The following VWA8 variants were observed in gnomAD, a reference collection of about 807,000 sequenced individuals.
VWA8 encodes the protein von Willebrand factor A domain containing 8.
A neutral mutation model predicts 241.5 loss-of-function variants in VWA8; 221 were observed. The ratio of observed to expected loss-of-function variants is 0.91; its 90% CI spans 0.82 to 1.02. The LOEUF (loss-of-function observed/expected upper bound fraction) is 1.02, where lower values mean the gene tolerates loss of function less well. Ranked by LOEUF, VWA8 falls within the 50% of genes least tolerant of loss-of-function variation. The pLI, the probability that VWA8 is intolerant of heterozygous loss-of-function variation, is 0.00. For missense variants in VWA8, 2,322 were observed against 2,328.7 expected (o/e 1.00, Z 0.06); for synonymous variants, 852 against 827.1 (o/e 1.03, Z -0.52).
At chr13:41,689,210 A>T in intron 34 of VWA8, 144 bp downstream of exon 34, 1 of 884,744 alleles carries the variant, frequency 1.1e-6, no homozygotes, top group Non-Finnish European at 1.6e-6. Flanking sequence ...CATATTTTCT[A>T]CTGACTGATT....
intron 5 of VWA8, among the ~76,000 whole-genome samples, chr13:41,888,756 C>G (rs572076180): frequency 1.3e-5 from 2 of 152,316 alleles, no homozygotes. Flanking sequence ...CTTGAAAGGA[C>G]TTATTACCTC....
At chr13:41,651,540 C>T (rs1001000539) in intron 37 of VWA8, among the ~76,000 whole-genome samples, 5 of 152,164 alleles carry the variant, frequency 3.3e-5, no homozygotes, top group African/African-American at 1.2e-4. Flanking sequence ...TTTGTTGCAA[C>T]TACTCAACTG....
At chr13:41,947,143 G>A (rs2138159921) in intron 2 of VWA8, among the ~76,000 whole-genome samples, 3 of 152,306 alleles carry the variant, frequency 2.0e-5, no homozygotes, top group African/African-American at 7.2e-5. Context: ...ATTGGGGGTT[G>A]AGCCCAGTCT....
intron 21 of VWA8, among the ~76,000 whole-genome samples, chr13:41,751,966 A>C (rs2045659705): frequency 6.6e-6 from 1 of 152,206 alleles, no homozygotes; most frequent in East Asian, 1.9e-4. Flanking sequence ...CTTACTGGAC[A>C]TCCACTGTGA....
Position 41,735,605 on chromosome 13 carries a change from C to G in VWA8, c.2427-3450G>C, listed in dbSNP as rs574690246. Among the ~76,000 whole-genome samples, 184 of 152,034 alleles carry G rather than the reference C, an allele frequency of 1.2e-3. 1 individual carries two copies. The highest frequency in any genetic ancestry group is 1.1e-3 in the Non-Finnish European group (75 of 67,934). The stretch of plus-strand genomic sequence containing the variant: ...CTGCTCTTATAATTAGCCCCTTCAT[C>G]TAGTACATAAAAAAAGCAAAGGCTA... On this transcript the variant is annotated intron_variant, in intron 21 of 44. Coordinates refer to ENST00000379310, the MANE Select transcript of VWA8 (RefSeq NM_015058.2).
intron 9 of VWA8, among the ~76,000 whole-genome samples, chr13:41,871,294 C>A (rs1469806563): frequency 1.3e-5 from 2 of 151,986 alleles, no homozygotes; most frequent in African/African-American, 4.8e-5. Flanking sequence ...TTAACATTTT[C>A]TTTTTTATTT....
chr13:41,632,782 T>G (rs1350654615), intron 37 of VWA8, among the ~76,000 whole-genome samples: 1 of 152,222 alleles, frequency 6.6e-6, no homozygotes, highest in Non-Finnish European at 1.5e-5. Context: ...GAAACATATG[T>G]TGGAACACCC....
chr13:41,700,938 G>A (rs1457962868), intron 28 of VWA8, among the ~76,000 whole-genome samples: 1 of 152,146 alleles, frequency 6.6e-6, no homozygotes, highest in African/African-American at 2.4e-5. Context: ...AGTAGGTAAT[G>A]GCAACAGTCC....
chr13:41,665,490 T>G (rs78616181), intron 37 of VWA8, among the ~76,000 whole-genome samples: 90 of 151,962 alleles, frequency 5.9e-4, no homozygotes, highest in African/African-American at 2.1e-3. Context: ...GCAAGAAGCT[T>G]TTATTTCTAT....
intron 17 of VWA8, chr13:41,808,033 A>G (rs1870295821): frequency 6.6e-6 from 1 of 152,250 alleles, no homozygotes; most frequent in Non-Finnish European, 1.5e-5. Context: ...ATGTCAAATG[A>G]AACAAACCAA....
At chr13:41,765,345 AC>A (rs2045772235) in intron 20 of VWA8, among the ~76,000 whole-genome samples, 1 of 152,148 alleles carries the variant, frequency 6.6e-6, no homozygotes, top group South Asian at 2.1e-4. Context: ...TTGGTTTCCC[AC>A]CTCCAGATTT....
intron 20 of VWA8, among the ~76,000 whole-genome samples, chr13:41,767,482 G>A (rs1055843546): frequency 1.3e-5 from 2 of 152,062 alleles, no homozygotes; most frequent in Non-Finnish European, 2.9e-5. Flanking sequence ...AACAAAATAA[G>A]AGATCACTGC....
At chr13:41,625,681 T>C (rs1165636928) in intron 37 of VWA8, among the ~76,000 whole-genome samples, 2 of 151,958 alleles carry the variant, frequency 1.3e-5, no homozygotes, top group Non-Finnish European at 2.9e-5. Flanking sequence ...TGGCGATTCC[T>C]CAGGGATCTA....
intron 36 of VWA8, among the ~76,000 whole-genome samples, chr13:41,672,648 C>G (rs2045033747): frequency 6.6e-6 from 1 of 152,102 alleles, no homozygotes; most frequent in Non-Finnish European, 1.5e-5. Flanking sequence ...CACAGAGTGA[C>G]AAGGGCGGCC....
chr13:41,931,039 C>T (rs1877084803), intron 2 of VWA8, among the ~76,000 whole-genome samples: 1 of 151,522 alleles, frequency 6.6e-6, no homozygotes. Flanking sequence ...GTCCCAGCTA[C>T]TCAGGAGACT....
chr13:41,724,276 C>T (rs1005076226), intron 24 of VWA8, among the ~76,000 whole-genome samples: 1 of 152,072 alleles, frequency 6.6e-6, no homozygotes, highest in African/African-American at 2.4e-5. Flanking sequence ...CAAGTGTAGA[C>T]AACTCTTTTG....
At chr13:41,831,313 G>A (rs1261815184) in intron 13 of VWA8, among the ~76,000 whole-genome samples, 1 of 152,094 alleles carries the variant, frequency 6.6e-6, no homozygotes, top group Non-Finnish European at 1.5e-5. Context: ...GAGCATGGCC[G>A]GTGGAACCAA....
chr13:41,618,466 C>G (rs981535633), intron 37 of VWA8, among the ~76,000 whole-genome samples: 5 of 152,162 alleles, frequency 3.3e-5, no homozygotes, highest in Admixed American at 1.3e-4. Flanking sequence ...TGTGCAGAAG[C>G]TCTTTAGTTT....
At position 41,734,555 on chromosome 13, in the gene VWA8, C is replaced by T. The variant is rs116300383; in HGVS notation, c.2427-2400G>A. 6.1e-3 allele frequency among the ~76,000 whole-genome samples: 930 copies of T among 152,280 alleles called. 8 individuals carry two copies. The highest frequency in any genetic ancestry group is 0.021 in the African/African-American group (889 of 41,550). On this transcript the variant is annotated intron_variant, in intron 21 of 44. Transcript: ENST00000379310. ...AGCTTGAACAGGTACGCTGGCAATA[C>T]AATTATTGACATTTACAATTTGTAG...
Sources: gnomAD v4.1 joint callset for allele counts (sites outside exome capture counted in the v4.1 genomes callset) on GRCh38, gnomAD v4.1.1 for gene constraint, MANE v1.5 for transcripts, NCBI Gene and HGNC (gene_info 2026-07-23, HGNC 2026-07-21) for gene names.